KAZN: variants seen among roughly 807,000 people sequenced by gnomAD.
KAZN encodes the protein kazrin, periplakin interacting protein, also known as kazrin.
Under a neutral mutation model 87.4 loss-of-function variants are expected in KAZN, and 40 were observed. That is an observed-to-expected ratio of 0.46 (90% CI 0.36 to 0.60). KAZN has a LOEUF of 0.60. Ranked by LOEUF, KAZN falls within the 20% of genes least tolerant of loss-of-function variation. The pLI is 0.00. For missense variants in KAZN, 898 were observed against 1,073.9 expected (o/e 0.84, Z 2.29); for synonymous variants, 466 against 458.3 (o/e 1.02, Z -0.22).
At chr1:14,099,802 G>C (rs1360484359) in intron 1 of KAZN, among the ~76,000 whole-genome samples, 1 of 152,186 alleles carries the variant, frequency 6.6e-6, no homozygotes, top group African/African-American at 2.4e-5. Context: ...TGGATTGCCT[G>C]TGCTTCTTCC....
Position 14,140,274 on chromosome 1 carries a change from G to C in KAZN, c.92-40161G>C, listed in dbSNP as rs112044397. The stretch of plus-strand genomic sequence containing the variant: ...CTCAATTTCCTTATCTGTAAAACTG[G>C]GATAATATGAGGATTTGATTCAATA... On this transcript the variant is annotated intron_variant, in intron 1 of 16. Coordinates refer to the KAZN transcript ENST00000636203. 3.6e-4 allele frequency among the ~76,000 whole-genome samples: 55 copies of C among 152,030 alleles called. 1 individual carries two copies. Among genetic ancestry groups the C allele is most frequent in the African/African-American group, 1.3e-3 (52 of 41,442 alleles).
intron 2 of KAZN, among the ~76,000 whole-genome samples, chr1:14,200,464 A>G (rs1274242156): frequency 1.3e-5 from 2 of 152,214 alleles, no homozygotes; most frequent in Non-Finnish European, 2.9e-5. Context: ...AGTTTAGAAG[A>G]AATACATGTC....
chr1:14,928,791 T>C (rs1347873922), intron 1 of KAZN, among the ~76,000 whole-genome samples: 1 of 152,220 alleles, frequency 6.6e-6, no homozygotes, highest in Non-Finnish European at 1.5e-5. Flanking sequence ...ATGGAGGGCT[T>C]GGTTCTTCTG....
chr1:14,251,927 G>A (rs1557594643), intron 2 of KAZN, among the ~76,000 whole-genome samples: 1 of 152,078 alleles, frequency 6.6e-6, no homozygotes, highest in African/African-American at 2.4e-5. Context: ...GGGATTACAG[G>A]TGTGAGCCAC....
At chr1:14,686,866 T>C (rs1195052740) in intron 1 of KAZN, among the ~76,000 whole-genome samples, 2 of 152,236 alleles carry the variant, frequency 1.3e-5, no homozygotes. Flanking sequence ...ATTCTATTGT[T>C]CAGAAAGAGG....
intron 1 of KAZN, among the ~76,000 whole-genome samples, chr1:14,703,506 T>C (rs1256204674): frequency 2.6e-5 from 4 of 152,252 alleles, no homozygotes; most frequent in South Asian, 2.1e-4. Context: ...TCTGCCATGA[T>C]TGTCAGTTTC....
intron 8 of KAZN, among the ~76,000 whole-genome samples, chr1:15,072,316 G>A (rs1330523313): frequency 6.6e-6 from 1 of 152,148 alleles, no homozygotes; most frequent in African/African-American, 2.4e-5. Context: ...TCAGGGCATC[G>A]GGCTGTGTGT....
intron 1 of KAZN, among the ~76,000 whole-genome samples, chr1:14,861,039 G>A (rs978414701): frequency 2.6e-5 from 4 of 152,186 alleles, no homozygotes; most frequent in African/African-American, 9.6e-5. Flanking sequence ...TGTGCCCCTA[G>A]AATAGTATTA....
chr1:14,098,085 T>G (rs572479080), intron 1 of KAZN, among the ~76,000 whole-genome samples: 1 of 152,074 alleles, frequency 6.6e-6, no homozygotes, highest in South Asian at 2.1e-4. Flanking sequence ...TTCAAAGGTG[T>G]GGAGTCACTC....
At chr1:14,015,623 G>C (rs1360376680) in intron 1 of KAZN, among the ~76,000 whole-genome samples, 1 of 147,716 alleles carries the variant, frequency 6.8e-6, no homozygotes, top group South Asian at 2.3e-4. Flanking sequence ...TGGGATTACA[G>C]GTGCCTGCCA....
At chr1:14,822,703 C>G (rs1235053133) in intron 1 of KAZN, among the ~76,000 whole-genome samples, 1 of 152,218 alleles carries the variant, frequency 6.6e-6, no homozygotes, top group Non-Finnish European at 1.5e-5. Context: ...CCCCAGTGGC[C>G]TTCTCTGGAG....
chr1:14,444,592 C>A (rs935985924), intron 2 of KAZN, among the ~76,000 whole-genome samples: 4 of 152,092 alleles, frequency 2.6e-5, no homozygotes, highest in Admixed American at 2.6e-4. Flanking sequence ...GGATTACAGG[C>A]GTGAGCCACC....
intron 2 of KAZN, among the ~76,000 whole-genome samples, chr1:14,423,947 A>G (rs1027308451): frequency 3.9e-5 from 6 of 152,218 alleles, no homozygotes; most frequent in African/African-American, 1.4e-4. Flanking sequence ...GAGGGAAATA[A>G]GCCAAATACA....
chr1:15,011,815 G>C (rs1669597929), intron 2 of KAZN, among the ~76,000 whole-genome samples: 1 of 152,196 alleles, frequency 6.6e-6, no homozygotes, highest in African/African-American at 2.4e-5. Flanking sequence ...TGCGCACTCA[G>C]GGTTGGGGGC....
intron 8 of KAZN, among the ~76,000 whole-genome samples, chr1:15,082,219 G>T (rs1325661910): frequency 6.6e-6 from 1 of 152,208 alleles, no homozygotes. Flanking sequence ...CCAGCCAGGT[G>T]CAGGGACACA....
intron 1 of KAZN, among the ~76,000 whole-genome samples, chr1:14,045,858 T>G (rs1043549301): frequency 6.6e-5 from 10 of 152,224 alleles, no homozygotes; most frequent in Non-Finnish European, 2.9e-5. Flanking sequence ...TAACCATTAC[T>G]CCTGTACTAC....
At chr1:14,570,632 T>C (rs1297290687) in intron 2 of KAZN, among the ~76,000 whole-genome samples, 4 of 152,218 alleles carry the variant, frequency 2.6e-5, no homozygotes, top group South Asian at 2.1e-4. Flanking sequence ...CATTCATCAG[T>C]TGATGAACGT....
intron 1 of KAZN, among the ~76,000 whole-genome samples, chr1:14,107,842 T>C (rs1276742484): frequency 6.6e-6 from 1 of 152,178 alleles, no homozygotes; most frequent in African/African-American, 2.4e-5. Flanking sequence ...CTCAATTCTG[T>C]AGATGCAGCC....
intron 2 of KAZN, among the ~76,000 whole-genome samples, chr1:14,238,227 A>T (rs1472669661): frequency 3.3e-5 from 5 of 152,178 alleles, no homozygotes; most frequent in Non-Finnish European, 7.3e-5. Context: ...AATGCCAGAC[A>T]CTTAGTGGGT....
Sources: allele counts gnomAD v4.1 joint callset (sites outside exome capture counted in the v4.1 genomes callset), GRCh38; gene constraint gnomAD v4.1.1; transcripts MANE v1.5; gene names NCBI Gene and HGNC (gene_info 2026-07-23, HGNC 2026-07-21).